Variants in RNF208 observed in about 807,000 individuals in gnomAD.
RNF208 encodes ring finger protein 208.
RNF208 carries 7 observed loss-of-function variants against 15.2 expected under a neutral mutation model. The ratio of observed to expected loss-of-function variants is 0.46; its 90% CI spans 0.26 to 0.86. The LOEUF (loss-of-function observed/expected upper bound fraction) is 0.86. Ranked by LOEUF, RNF208 falls within the 40% of genes least tolerant of loss-of-function variation. RNF208 has a pLI of 0.16. For missense variants in RNF208, 342 were observed against 364.1 expected (o/e 0.94, Z 0.49); for synonymous variants, 211 against 163.2 (o/e 1.29, Z -2.23).
At chr9:137,222,620 C>T (rs1588830502), upstream of RNF208, among the ~76,000 whole-genome samples, 1 of 152,360 alleles carries the variant, frequency 6.6e-6, no homozygotes, top group East Asian at 1.9e-4. Context: ...GGCCCCCCGC[C>T]CCATGGGAAG....
At chr9:137,223,398 G>A (rs1017291401), upstream of RNF208, among the ~76,000 whole-genome samples, 1 of 152,182 alleles carries the variant, frequency 6.6e-6, no homozygotes, top group South Asian at 2.1e-4. Context: ...GTGCGCCCGA[G>A]GAAGCACCAG....
rs1384495947 is a variant in RNF208 at position 137,220,583 on chromosome 9, G to T, written c.630C>A (p.Ile210=). 1.9e-6 allele frequency: 3 copies of T among 1,611,872 alleles called. No individual in the cohort carries two copies. The highest frequency in any genetic ancestry group is 3.3e-5 in the Admixed American group (2 of 59,922). Residue 210 remains isoleucine, a synonymous_variant, in exon 2 of 2, where the codon ATC becomes ATA. Transcript: ENST00000391553. The part of the protein sequence containing the change: ...GLAALAVNTS[I]LSRLPPEALT... ...GCGCCTCAGGCGGCAGGCGGCTCAG[G>T]ATGGACGTGTTGACAGCCAGCGCGG...
Position 137,221,066 on chromosome 9 carries a change from G to A in RNF208, c.147C>T (p.Cys49=), listed in dbSNP as rs751041581. ...GGGTGGGCCGGGGAGCAGGCGGGAA[G>A]CAGGGGGCAGCCGGTAGCTCAGGGA... is the stretch of plus-strand genomic sequence containing the variant. ...EKFPELPAAP[C]FPPAPRPTPT... The change falls in exon 2 of 2, where the codon TGC becomes TGT. Residue 49 remains cysteine (C), a synonymous_variant. Transcript: ENST00000391553. 2.5e-6 allele frequency: 4 copies of A among 1,603,240 alleles called. No homozygotes were observed. In the South Asian group the frequency reaches 4.5e-5, roughly 18 times the overall value.
At chr9:137,223,338 G>A (rs368626836), upstream of RNF208, among the ~76,000 whole-genome samples, 1,287 of 152,324 alleles carry the variant, frequency 8.4e-3, 16 homozygotes, top group African/African-American at 0.03. Context: ...CCTGGGCCTG[G>A]GGAGGGCCGG....
Position 137,220,291 on chromosome 9 carries a change from G to T in RNF208, c.*136C>A. 1.0e-6 allele frequency: 1 copy of T among 956,196 alleles called. No individual in the cohort carries two copies. Among genetic ancestry groups the T allele is most frequent in the Non-Finnish European group, 1.5e-6 (1 of 661,570 alleles). The allele number at this position is 956,196 out of a possible 1,614,324, so 59.2% of individuals were successfully genotyped here. On this transcript the variant is annotated 3_prime_UTR_variant, in exon 2 of 2. Transcript: ENST00000391553. Reference sequence around the variant, plus strand: ...AAGAGTTTTAATGGCAAAGTTGGCTGCAGCGACAATGCCACTCGGGGTGGG... The same window carrying T: ...AAGAGTTTTAATGGCAAAGTTGGCTTCAGCGACAATGCCACTCGGGGTGGG...
Position 137,221,319 on chromosome 9 carries a change from C to CAGCATCCTGGT in RNF208, c.-108_-107insACCAGGATGCT. 1.3e-6 allele frequency: 1 copy of CAGCATCCTGGT among 786,914 alleles called. No homozygotes were observed. The highest frequency in any genetic ancestry group is 1.9e-6 in the Non-Finnish European group (1 of 529,164). The allele number at this position is 786,914 out of a possible 1,614,324, so 48.7% of individuals were successfully genotyped here. On this transcript the variant is annotated 5_prime_UTR_variant, in exon 2 of 2. The change creates a new upstream start codon in the 5' untranslated region. Coordinates refer to ENST00000391553, the MANE Select transcript of RNF208 (RefSeq NM_031297.7). ...CTGGTCCCGCCAGGCCTGGGGGGGG[C>CAGCATCCTGGT]CCCGGACGGCCCGTGGACTCCTAGG...
At chr9:137,222,469 C>A (rs892492833), upstream of RNF208, among the ~76,000 whole-genome samples, 2 of 152,052 alleles carry the variant, frequency 1.3e-5, no homozygotes, top group Non-Finnish European at 2.9e-5. Context: ...CCCCCGCCCC[C>A]CCAGATTCAG....
chr9:137,220,653 G>C lies in RNF208; in HGVS notation c.560C>G (p.Pro187Arg). 6.2e-7 allele frequency: 1 copy of C among 1,612,568 alleles called. No homozygotes were observed. Among genetic ancestry groups the C allele is most frequent in the African/African-American group, 1.3e-5 (1 of 75,062 alleles). The change falls in exon 2 of 2, where the codon CCC (proline) becomes CGC (arginine). Residue 187 changes from proline to arginine, a missense_variant. Transcript: ENST00000391553. Reference sequence around the variant, plus strand: ...GAGCACAGTCTCACGGCGGCAGGTGGGGCAGGAGATGAACTTGTACTTGGG... The same window carrying C: ...GAGCACAGTCTCACGGCGGCAGGTGCGGCAGGAGATGAACTTGTACTTGGG... ...SCPKYKFISCPTCRRETVLFT... is the reference protein window; with the variant it reads ...SCPKYKFISCRTCRRETVLFT...
In RNF208 at chr9:137,220,763, G is replaced by A. The variant is rs1390045541; in HGVS notation, c.450C>T (p.Tyr150=). 1.2e-6 allele frequency: 2 copies of A among 1,612,064 alleles called. No homozygotes were observed. The highest frequency in any genetic ancestry group is 2.7e-5 in the African/African-American group (2 of 74,912). The change falls in exon 2 of 2, where the codon TAC becomes TAT. Residue 150 remains tyrosine, a synonymous_variant. Coordinates refer to ENST00000391553, the MANE Select transcript of RNF208 (RefSeq NM_031297.7). ...PLECPTCGHS[Y]NVTQRRPRVL... ...CGCGGGGCCTCCGCTGGGTGACATT[G>A]TAGGAGTGCCCACAGGTGGGGCACT...
rs1363315062 is a variant in RNF208, at chr9:137,222,217, T to C, written c.-755A>G. On this transcript the variant is annotated 5_prime_UTR_variant, in exon 1 of 2. Coordinates refer to ENST00000391553, the MANE Select transcript of RNF208 (RefSeq NM_031297.7). ...TCGGCACGGCGGCGACGGCGGCAGG[T>C]GCGTGCGGAGCGTGGCGCGCTCTGC... Among the ~76,000 whole-genome samples the C allele has an allele frequency of 6.9e-6, 1 of 145,490 alleles. No homozygotes were observed. Among genetic ancestry groups the C allele is most frequent in the African/African-American group, 2.5e-5 (1 of 40,534 alleles).
At chr9:137,222,364 G>A (rs1045137262), upstream of RNF208, among the ~76,000 whole-genome samples, 3 of 151,212 alleles carry the variant, frequency 2.0e-5, no homozygotes, top group African/African-American at 7.3e-5. Flanking sequence ...CCCTCGGTCC[G>A]CTCCCGGCGT....
rs1835878316 is a variant in RNF208, at chr9:137,221,999, C to T, written c.-537G>A. On this transcript the variant is annotated 5_prime_UTR_variant, in exon 1 of 2. Transcript: ENST00000391553. ...GCCCCCTGCGCTCACCTGCCCCAGC[C>T]TGGCGTCCCGGCCGCGCGCCGCCGC... 6.6e-6 allele frequency among the ~76,000 whole-genome samples: 1 copy of T among 151,730 alleles called. No homozygotes were observed. The highest frequency in any genetic ancestry group is 2.4e-5 in the African/African-American group (1 of 41,380).
chr9:137,222,422 C>T (rs539519986), upstream of RNF208, among the ~76,000 whole-genome samples: 1 of 151,964 alleles, frequency 6.6e-6, no homozygotes, highest in African/African-American at 2.4e-5. Context: ...CGCGTCGCCC[C>T]CAGTTCTCTC....
intron 1 of RNF208, among the ~76,000 whole-genome samples, 102 bp from the exon 2 acceptor site, chr9:137,221,840 G>A (rs947263667): frequency 2.0e-5 from 3 of 151,980 alleles, no homozygotes; most frequent in African/African-American, 7.2e-5. Flanking sequence ...CCTGACCTCA[G>A]CCGTGGGATC....
chr9:137,221,850 C>A (rs1835876102), intron 1 of RNF208, among the ~76,000 whole-genome samples, 112 bp from the exon 2 acceptor site: 1 of 151,968 alleles, frequency 6.6e-6, no homozygotes, highest in South Asian at 2.1e-4. Context: ...GCCGTGGGAT[C>A]CCGACCTCCG....
chr9:137,222,227 G>C lies in RNF208; in HGVS notation c.-765C>G, dbSNP rs1216821265. On this transcript the variant is annotated 5_prime_UTR_variant, in exon 1 of 2. Transcript: ENST00000391553. ...GGCGACGGCGGCAGGTGCGTGCGGAGCGTGGCGCGCTCTGCGGCGGAGGCG... is the reference window on the plus strand; with the variant it reads ...GGCGACGGCGGCAGGTGCGTGCGGACCGTGGCGCGCTCTGCGGCGGAGGCG... Among the ~76,000 whole-genome samples, 1 of 146,316 alleles carries C rather than the reference G, an allele frequency of 6.8e-6. No homozygotes were observed. Among genetic ancestry groups the C allele is most frequent in the Non-Finnish European group, 1.5e-5 (1 of 65,852 alleles).
Position 137,220,857 on chromosome 9 carries a change from T to C in RNF208, c.356A>G (p.Asn119Ser). 1 of 1,600,230 alleles carries C rather than the reference T, an allele frequency of 6.2e-7. No individual in the cohort carries two copies. Among genetic ancestry groups the C allele is most frequent in the Non-Finnish European group, 8.5e-7 (1 of 1,172,678 alleles). The change falls in exon 2 of 2, where the codon AAT (asparagine) becomes AGT (serine). Residue 119 changes from asparagine (N) to serine (S), a missense_variant. Around this residue, in one of 3 missense-constraint regions of RNF208, gnomAD observed 207 missense variants for 193.7 expected, o/e 1.07. Transcript: ENST00000391553. ...GGGGCCAGGCCGAATCACGTACTGA[T>C]TCACAATGACCTCATCCTCTGGGGC... ...RVAPEDEVIV[N>S]QYVIRPGPSA...
At chr9:137,222,340 A>G (rs987377212), upstream of RNF208, among the ~76,000 whole-genome samples, 1 of 149,952 alleles carries the variant, frequency 6.7e-6, no homozygotes, top group Non-Finnish European at 1.5e-5. Context: ...GGGCGGGGCC[A>G]GCCTCCCGGC....
upstream of RNF208, among the ~76,000 whole-genome samples, chr9:137,223,011 C>T (rs1398704352): frequency 6.6e-6 from 1 of 152,258 alleles, no homozygotes; most frequent in Non-Finnish European, 1.5e-5. Context: ...AGCTCTGGCC[C>T]CGCACCTGGC....
Sources: gnomAD v4.1 joint callset for allele counts (sites outside exome capture counted in the v4.1 genomes callset) on GRCh38, gnomAD v4.1.1 for gene constraint, gnomAD v4.1.1 regional missense constraint, MANE v1.5 for transcripts, NCBI Gene and HGNC (gene_info 2026-07-23, HGNC 2026-07-21) for gene names.